The following PIDD1 variants were observed in gnomAD, a reference collection of about 807,000 sequenced individuals.
PIDD1 encodes p53-induced death domain-containing protein 1.
PIDD1 carries 72 observed loss-of-function variants against 80.0 expected under a neutral mutation model. The ratio of observed to expected loss-of-function variants is 0.90; its 90% CI spans 0.74 to 1.09. The LOEUF (loss-of-function observed/expected upper bound fraction) is 1.09. Ranked by LOEUF, PIDD1 falls within the 50% of genes least tolerant of loss-of-function variation. The pLI, the probability that PIDD1 is intolerant of heterozygous loss-of-function variation, is 0.00. For synonymous variants in PIDD1, 655 were observed against 543.5 expected (o/e 1.21, Z -2.85); for missense variants, 1,329 against 1,228.3 (o/e 1.08, Z -1.23).
chr11:805,707 C>T, upstream of PIDD1: 6 of 984,132 alleles, frequency 6.1e-6, no homozygotes, highest in Non-Finnish European at 7.2e-6. Context: ...CTCTCTGGGC[C>T]TGCAAAGACC....
At position 802,015 on chromosome 11, in the gene PIDD1, C is replaced by G; in HGVS notation, c.1252G>C (p.Asp418His). Reference sequence around the variant, plus strand: ...GTCTCCAGGTCACCCCAGCTGTTGTCATTCCGGGTCCTGACCACCACTTCA... The same window carrying G: ...GTCTCCAGGTCACCCCAGCTGTTGTGATTCCGGGTCCTGACCACCACTTCA... ...CREVVVRTRN[D>H]NSWGDLETYL... The change falls in exon 7 of 16, where the codon GAC becomes CAC. Residue 418 changes from aspartate (D) to histidine (H), a missense_variant. Coordinates refer to ENST00000347755, the MANE Select transcript of PIDD1 (RefSeq NM_145886.4). 5.0e-6 allele frequency: 8 copies of G among 1,602,798 alleles called. No individual in the cohort carries two copies. Among genetic ancestry groups the G allele is most frequent in the Non-Finnish European group, 6.8e-6 (8 of 1,175,334 alleles).
chr11:800,055 C>G (rs766913787), intron 14 of PIDD1, 41 bp from the exon 15 acceptor site: 1 of 1,607,272 alleles, frequency 6.2e-7, no homozygotes, highest in Non-Finnish European at 8.5e-7. Context: ...GGGCTCCACC[C>G]CCAACTCCAC....
At chr11:809,347 A>C (rs1237711983), upstream of PIDD1, 2 of 152,216 alleles carry the variant, frequency 1.3e-5, no homozygotes, top group Admixed American at 6.5e-5. Context: ...ATGCCCTGAC[A>C]CCGCAGTGCG....
chr11:804,448 G>C lies in PIDD1; in HGVS notation c.-60C>G. The stretch of plus-strand genomic sequence containing the variant: ...CCAGCACGCAGGCAGGCCTGTCCAG[G>C]CAGCGCCCGGGGAAGCTGCAGAGGC... On this transcript the variant is annotated 5_prime_UTR_variant, in exon 2 of 16. Transcript: ENST00000347755. 6.6e-7 allele frequency: 1 copy of C among 1,517,266 alleles called. No homozygotes were observed. The highest frequency in any genetic ancestry group is 8.8e-7 in the Non-Finnish European group (1 of 1,137,064). 94.0% of individuals were successfully genotyped at this position (1,517,266 alleles called of 1,614,324 possible).
intron 15 of PIDD1, 71 bp from the exon 16 acceptor site, chr11:799,636 G>C: frequency 6.8e-7 from 1 of 1,475,842 alleles, no homozygotes; most frequent in Non-Finnish European, 9.0e-7. Context: ...ACTCTGCCTC[G>C]GAGTGTGGGG....
At chr11:808,191 C>T (rs1167723531), upstream of PIDD1, among the ~76,000 whole-genome samples, 4 of 151,894 alleles carry the variant, frequency 2.6e-5, no homozygotes, top group Non-Finnish European at 4.4e-5. Flanking sequence ...CTTTGGGAGG[C>T]GGAAGTGGGA....
In PIDD1 at chr11:804,176, A is replaced by G. The variant is rs1375738971; in HGVS notation, c.213T>C (p.Thr71=). 8 of 1,613,202 alleles carry G rather than the reference A, an allele frequency of 5.0e-6. No individual in the cohort carries two copies. In the African/African-American group the frequency reaches 6.7e-5, roughly 13 times the overall value. ...CCTCCAGCAGCTGAGGGTCCTCGTG[A>G]GTGCTCAGACGCAAGAATTCCACCT... ...LLQVEFLRLS[T]HEDPQLLEAT... Residue 71 remains threonine (T), a synonymous_variant, in exon 2 of 16, where the codon ACT becomes ACC. Transcript: ENST00000347755.
Position 800,033 on chromosome 11 carries a change from G to T in PIDD1, c.2275-19C>A. The stretch of plus-strand genomic sequence containing the variant: ...GAAGTCTCTGTTGGAAGGAAAAAGT[G>T]CATTAAGCCCTGGGCTCCACCCCCA... On this transcript the variant is annotated intron_variant, in intron 14 of 15. Transcript: ENST00000347755. 6.2e-7 allele frequency: 1 copy of T among 1,611,258 alleles called. No homozygotes were observed. The highest frequency in any genetic ancestry group is 8.5e-7 in the Non-Finnish European group (1 of 1,178,544).
intron 9 of PIDD1, 43 bp downstream of exon 9, chr11:801,175 C>T (rs1335977687): frequency 1.3e-6 from 2 of 1,545,276 alleles, no homozygotes; most frequent in Middle Eastern, 1.8e-4. Flanking sequence ...CCCCCTCCAC[C>T]CTATGGCCAC....
chr11:801,827 G>A (rs1345880006), intron 7 of PIDD1, 138 bp downstream of exon 7: 45 of 1,227,564 alleles, frequency 3.7e-5, no homozygotes, highest in Non-Finnish European at 4.8e-5. Context: ...TGGGGTGGAA[G>A]GTGCCAGGGA....
Position 801,367 on chromosome 11 carries a change from T to TG in PIDD1, c.1483-3dup. The TG allele has an allele frequency of 6.2e-7, 1 of 1,607,940 alleles. No homozygotes were observed. Among genetic ancestry groups the TG allele is most frequent in the Non-Finnish European group, 8.5e-7 (1 of 1,177,302 alleles). On this transcript the variant is annotated splice_region_variant and splice_polypyrimidine_tract_variant and intron_variant, in intron 8 of 15. Transcript: ENST00000347755. ...CTCTCGGCCAGCCATGCGCACCACCTGGGGCAGACAGGCCCCCTGAGCACC... is the reference window on the plus strand; with the variant it reads ...CTCTCGGCCAGCCATGCGCACCACCTGGGGGCAGACAGGCCCCCTGAGCACC...
At chr11:807,733 C>A (rs990834149), upstream of PIDD1, among the ~76,000 whole-genome samples, 1 of 152,068 alleles carries the variant, frequency 6.6e-6, no homozygotes, top group Non-Finnish European at 1.5e-5. Context: ...GCCAAGATCA[C>A]GCGACTGCAC....
Position 802,059 on chromosome 11 carries a change from G to T in PIDD1, c.1208C>A (p.Pro403Gln). Residue 403 changes from proline to glutamine, a missense_variant, in exon 7 of 16, where the codon CCG (proline) becomes CAG (glutamine). Transcript: ENST00000347755. ...DVGLWLLFTP[P>Q]QARRCREVVV... ...CACTTCACGGCAGCGCCGGGCCTGC[G>T]GTGGGGTGAAGAGCAGCCACAGCCC... 3 of 1,583,442 alleles carry T rather than the reference G, an allele frequency of 1.9e-6. No individual in the cohort carries two copies. Among genetic ancestry groups the T allele is most frequent in the Admixed American group, 1.8e-5 (1 of 55,168 alleles).
In PIDD1 at chr11:802,983, C is replaced by T. The variant is rs1188946731; in HGVS notation, c.710-92G>A. 6 of 1,164,042 alleles carry T rather than the reference C, an allele frequency of 5.2e-6. No individual in the cohort carries two copies. In the African/African-American group the frequency reaches 9.2e-5, roughly 18 times the overall value. 72.1% of individuals were successfully genotyped at this position (1,164,042 alleles called of 1,614,324 possible). ...CGCCTCCCAGAGCAGCTGTTTCAGA[C>T]TCTCCTCCACAGCTGGGCTCAGAGA... On this transcript the variant is annotated intron_variant, in intron 3 of 15. Coordinates refer to ENST00000347755, the MANE Select transcript of PIDD1 (RefSeq NM_145886.4).
Position 799,381 on chromosome 11 carries a change from T to C in PIDD1, c.2659A>G (p.Met887Val), listed in dbSNP as rs776961575. Residue 887 changes from methionine to valine, a missense_variant, in exon 16 of 16, where the codon ATG becomes GTG. Met to Val is a conservative substitution (Grantham distance 21, BLOSUM62 1). Transcript: ENST00000347755. ...RRKYQDSIRR[M>V]GLAPKDPALP... ...GCGGGGTCCTTGGGGGCCAAGCCCATGCGTCGGATGCTGTCCTGGTACTTG... is the reference window on the plus strand; with the variant it reads ...GCGGGGTCCTTGGGGGCCAAGCCCACGCGTCGGATGCTGTCCTGGTACTTG... 7.3e-5 allele frequency: 117 copies of C among 1,611,726 alleles called. 1 individual carries two copies. In the East Asian group the frequency reaches 1.6e-3, roughly 22 times the overall value.
intron 11 of PIDD1, 28 bp downstream of exon 11, chr11:800,734 C>G: frequency 6.5e-7 from 1 of 1,545,370 alleles, no homozygotes; most frequent in East Asian, 2.4e-5. Flanking sequence ...TGGTCACCAC[C>G]CTGCTGCCCT....
At position 802,005 on chromosome 11, in the gene PIDD1, C is replaced by T. The variant is rs765843455; in HGVS notation, c.1262G>A (p.Trp421Ter). ...VVVRTRNDNS[W>*]GDLETYLEEE... ...CTCCAGGTAGGTCTCCAGGTCACCCCAGCTGTTGTCATTCCGGGTCCTGAC... is the reference window on the plus strand; with the variant it reads ...CTCCAGGTAGGTCTCCAGGTCACCCTAGCTGTTGTCATTCCGGGTCCTGAC... The change falls in exon 7 of 16, where the codon TGG (tryptophan) becomes TAG (stop). Residue 421 changes from tryptophan to a stop codon, truncating the protein, a stop_gained. Transcript: ENST00000347755. LOFTEE classifies it high-confidence loss of function. 2 of 1,603,490 alleles carry T rather than the reference C, an allele frequency of 1.2e-6. No homozygotes were observed. The highest frequency in any genetic ancestry group is 2.3e-5 in the East Asian group (1 of 44,414).
At position 799,988 on chromosome 11, in the gene PIDD1, C is replaced by A. The variant is rs61748608; in HGVS notation, c.2301G>T (p.Arg767=). The A allele has an allele frequency of 2.6e-5, 42 of 1,612,822 alleles. No homozygotes were observed. Among genetic ancestry groups the A allele is most frequent in the Non-Finnish European group, 3.5e-5 (41 of 1,179,910 alleles). Residue 767 remains arginine, a synonymous_variant, in exon 15 of 16, where the codon CGG becomes CGT. Transcript: ENST00000347755. The part of the protein sequence containing the change: ...LPRLRGSEGP[R]RGAGLSLAPL... ...GTGCCAAGGAGAGGCCAGCCCCCCG[C>A]CGTGGCCCCTCGGACCCTCGAAGTC...
chr11:799,984 C>A lies in PIDD1; in HGVS notation c.2305G>T (p.Gly769Trp). ...RLRGSEGPRR[G>W]AGLSLAPLNL... The stretch of plus-strand genomic sequence containing the variant: ...AAGGGTGCCAAGGAGAGGCCAGCCC[C>A]CCGCCGTGGCCCCTCGGACCCTCGA... The change falls in exon 15 of 16, where the codon GGG becomes TGG. Residue 769 changes from glycine to tryptophan, a missense_variant. Gly to Trp is a radical substitution (Grantham distance 184). Transcript: ENST00000347755. 1.2e-6 allele frequency: 2 copies of A among 1,612,830 alleles called. No homozygotes were observed. Among genetic ancestry groups the A allele is most frequent in the South Asian group, 2.2e-5 (2 of 91,088 alleles).
Sources: allele counts gnomAD v4.1 joint callset (sites outside exome capture counted in the v4.1 genomes callset), GRCh38; gene constraint gnomAD v4.1.1; transcripts MANE v1.5; gene names NCBI Gene and HGNC (gene_info 2026-07-23, HGNC 2026-07-21).